The following HCLS1 variants were observed in gnomAD, a reference collection of about 807,000 sequenced individuals.
HCLS1 encodes hematopoietic cell-specific Lyn substrate 1.
In HCLS1, 44 loss-of-function variants were observed where a neutral mutation model predicts 68.6. The observed-to-expected ratio is 0.64, with a 90% CI of 0.50 to 0.82. The LOEUF (loss-of-function observed/expected upper bound fraction) is 0.82. Ranked by LOEUF, HCLS1 falls within the 40% of genes least tolerant of loss-of-function variation. The pLI, the probability that HCLS1 is intolerant of heterozygous loss-of-function variation, is 0.00. For synonymous variants in HCLS1, 217 were observed against 225.8 expected, an observed-to-expected ratio of 0.96 and a Z score of 0.35; for missense variants, 602 against 612.1, an observed-to-expected ratio of 0.98 and a Z score of 0.17.
chr3:121,647,195 A>T, intron 4 of HCLS1, 124 bp downstream of exon 4: 1 of 896,634 alleles, frequency 1.1e-6, no homozygotes, highest in Non-Finnish European at 1.7e-6. Flanking sequence ...GTTAGCCAGG[A>T]TGGTCTCGAT....
chr3:121,635,428 C>T (rs533734895), intron 9 of HCLS1, among the ~76,000 whole-genome samples: 2 of 152,114 alleles, frequency 1.3e-5, no homozygotes, highest in South Asian at 4.1e-4. Flanking sequence ...TAGGTGTGCA[C>T]CTCCATGCCT....
intron 3 of HCLS1, 184 bp downstream of exon 3, chr3:121,657,095 A>G: frequency 1.8e-6 from 1 of 553,874 alleles, no homozygotes; most frequent in Admixed American, 3.0e-5. Flanking sequence ...AGAGACATAA[A>G]ATGGAAATAT....
chr3:121,635,724 C>T lies in HCLS1; in HGVS notation c.691+11G>A. 1 of 1,607,474 alleles carries T rather than the reference C, an allele frequency of 6.2e-7. No homozygotes were observed. The highest frequency in any genetic ancestry group is 8.5e-7 in the Non-Finnish European group (1 of 1,173,888). On this transcript the variant is annotated intron_variant, in intron 9 of 13. Transcript: ENST00000314583. The stretch of plus-strand genomic sequence containing the variant: ...AGTGAGGTGCATGGAGAGTGAATCA[C>T]TAAGCCTCACCGGCTTCTATGGGCG...
Position 121,632,987 on chromosome 3 carries a change from G to T in HCLS1, c.1008+80C>A. The T allele has an allele frequency of 7.3e-6, 7 of 952,692 alleles. 1 individual carries two copies. The South Asian group carries it at 1.1e-4, about 15-fold the overall frequency. The allele number at this position is 952,692 out of a possible 1,614,324, so 59.0% of individuals were successfully genotyped here. A position where few individuals can be genotyped will look rare whatever the true frequency, so the allele number is the denominator to read the frequency against. ...GAACAGTGCAAGGCAAACCAGGATG[G>T]TTGGCCACCCTGCACAGCCCACATT... On this transcript the variant is annotated intron_variant, in intron 11 of 13. Transcript: ENST00000314583.
chr3:121,645,898 T>C (rs1033427818), intron 4 of HCLS1, among the ~76,000 whole-genome samples: 1 of 143,838 alleles, frequency 7.0e-6, no homozygotes, highest in Non-Finnish European at 1.5e-5. Context: ...AATATAAATA[T>C]GTTATATCAT....
At chr3:121,637,457 C>T (rs2049161148) in intron 6 of HCLS1, among the ~76,000 whole-genome samples, 1 of 152,152 alleles carries the variant, frequency 6.6e-6, no homozygotes, top group East Asian at 1.9e-4. Flanking sequence ...TCCCTCTCTT[C>T]TCTCATTTCC....
At chr3:121,643,360 G>A (rs1184595312) in intron 5 of HCLS1, 1 of 194,576 alleles carries the variant, frequency 5.1e-6, no homozygotes, top group East Asian at 1.1e-4. Context: ...AGAACTAAAT[G>A]GGACAAGGTA....
chr3:121,644,748 T>C (rs2049229479), intron 5 of HCLS1, 70 bp downstream of exon 5: 1 of 1,038,218 alleles, frequency 9.6e-7, no homozygotes, highest in Admixed American at 1.7e-5. Context: ...TGTGCCTCCA[T>C]CCAGGGGTGA....
intron 4 of HCLS1, among the ~76,000 whole-genome samples, chr3:121,645,404 A>T (rs9873648): frequency 0.22 from 34,131 of 151,898 alleles, 4,008 homozygotes; most frequent in East Asian, 0.31. Context: ...TCAGAAGTGA[A>T]CTCTGAGCTT....
chr3:121,633,220 CCTT>C (rs1560136417), intron 10 of HCLS1, 49 bp from the exon 11 acceptor site: 2 of 1,231,544 alleles, frequency 1.6e-6, no homozygotes, highest in Admixed American at 2.3e-5. Context: ...CATCTTCACT[CCTT>C]TTTTTTTTTT....
At chr3:121,653,073 T>C (rs544441234) in intron 3 of HCLS1, among the ~76,000 whole-genome samples, 1 of 152,314 alleles carries the variant, frequency 6.6e-6, no homozygotes, top group African/African-American at 2.4e-5. Context: ...CATAATGAGA[T>C]ATCTTGGGGA....
At position 121,634,289 on chromosome 3, in the gene HCLS1, C is replaced by A. The variant is rs994671045; in HGVS notation, c.821G>T (p.Arg274Met). 6.2e-7 allele frequency: 1 copy of A among 1,614,186 alleles called. No individual in the cohort carries two copies. Reference protein sequence around the residue: ...RQQERKAVTKRSPEAPQPVIA... With the variant: ...RQQERKAVTKMSPEAPQPVIA... ...CACTGGCTGTGGAGCCTCAGGGCTC[C>A]TCTTTGTCACAGCCTTTCGCTCCTG... Residue 274 changes from arginine to methionine, a missense_variant, in exon 10 of 14, where the codon AGG (arginine) becomes ATG (methionine). Coordinates refer to ENST00000314583, the MANE Select transcript of HCLS1 (RefSeq NM_005335.6).
intron 5 of HCLS1, 169 bp downstream of exon 5, chr3:121,644,649 T>G: frequency 1.4e-6 from 1 of 710,648 alleles, no homozygotes; most frequent in Admixed American, 2.0e-5. Flanking sequence ...CTTCCAACAT[T>G]GGCACCAAGG....
Position 121,633,136 on chromosome 3 carries a change from C to T in HCLS1, c.939G>A (p.Glu313=). 6.2e-7 allele frequency: 1 copy of T among 1,612,666 alleles called. No individual in the cohort carries two copies. Among genetic ancestry groups the T allele is most frequent in the Non-Finnish European group, 8.5e-7 (1 of 1,179,354 alleles). Residue 313 remains glutamate (E), a synonymous_variant, in exon 11 of 14, where the codon GAG becomes GAA. Coordinates refer to ENST00000314583, the MANE Select transcript of HCLS1 (RefSeq NM_005335.6). ...WPPVGTPPSS[E]SEPVRTSREH... is the part of the protein sequence containing the mutation. ...CCCTGCTGGTTCTCACAGGCTCAGA[C>T]TCTGATGATGGAGGAGTCCCAACTG... is the stretch of plus-strand genomic sequence containing the variant.
chr3:121,643,306 C>T (rs1384912210), intron 5 of HCLS1: 2 of 216,300 alleles, frequency 9.2e-6, no homozygotes, highest in Non-Finnish European at 1.9e-5. Context: ...TCTACCTCGA[C>T]TGTAAAATGA....
At chr3:121,634,993 A>G (rs2049135289) in intron 9 of HCLS1, among the ~76,000 whole-genome samples, 1 of 151,940 alleles carries the variant, frequency 6.6e-6, no homozygotes, top group Non-Finnish European at 1.5e-5. Flanking sequence ...CCCTGTCCAT[A>G]TTCCATAAAT....
chr3:121,643,854 C>T (rs1422207886), intron 5 of HCLS1: 1 of 152,162 alleles, frequency 6.6e-6, no homozygotes, highest in Non-Finnish European at 1.5e-5. Flanking sequence ...AAGAGTGGTG[C>T]CAAGATGGAA....
chr3:121,634,202 C>T lies in HCLS1; in HGVS notation c.903+5G>A. ...GATGTGGATCCCAGAGGGCCAGGCG[C>T]TCACCTCTGAGGAGATTTTCTTGGG... On this transcript the variant is annotated splice_donor_5th_base_variant and intron_variant, in intron 10 of 13. Transcript: ENST00000314583. 2 of 1,614,090 alleles carry T rather than the reference C, an allele frequency of 1.2e-6. No individual in the cohort carries two copies. The highest frequency in any genetic ancestry group is 1.7e-6 in the Non-Finnish European group (2 of 1,180,028).
chr3:121,648,422 T>A (rs1052247659), intron 3 of HCLS1, among the ~76,000 whole-genome samples: 3 of 152,182 alleles, frequency 2.0e-5, no homozygotes, highest in African/African-American at 7.2e-5. Context: ...TATGAAGTGA[T>A]AGCTCAGCCC....
Sources: gnomAD v4.1 joint callset for allele counts (sites outside exome capture counted in the v4.1 genomes callset) on GRCh38, gnomAD v4.1.1 for gene constraint, MANE v1.5 for transcripts, NCBI Gene and HGNC (gene_info 2026-07-23, HGNC 2026-07-21) for gene names.